ASIC2: variants seen among roughly 807,000 people sequenced by gnomAD.
The protein encoded by ASIC2 is acid-sensing ion channel 2.
A neutral mutation model predicts 57.3 loss-of-function variants in ASIC2; 25 were observed. That is an observed-to-expected ratio of 0.44 (90% CI 0.32 to 0.61). The LOEUF (loss-of-function observed/expected upper bound fraction) is 0.61, where lower values mean the gene tolerates loss of function less well. Ranked by LOEUF, ASIC2 falls within the 20% of genes least tolerant of loss-of-function variation. The pLI, the probability that ASIC2 is intolerant of heterozygous loss-of-function variation, is 0.06. For synonymous variants in ASIC2, 319 were observed against 307.5 expected, an observed-to-expected ratio of 1.04 and a Z score of -0.39; for missense variants, 641 against 738.1, an observed-to-expected ratio of 0.87 and a Z score of 1.52.
At chr17:33,346,846 G>A (rs1907967887) in intron 1 of ASIC2, among the ~76,000 whole-genome samples, 1 of 152,194 alleles carries the variant, frequency 6.6e-6, no homozygotes. Flanking sequence ...CAAGACCGAG[G>A]AGCCAGTGAA....
At chr17:33,293,483 G>A (rs1013787091), upstream of ASIC2, among the ~76,000 whole-genome samples, 2 of 152,206 alleles carry the variant, frequency 1.3e-5, no homozygotes, top group Non-Finnish European at 2.9e-5. Flanking sequence ...ATGGGGATGC[G>A]CTGTACAGAT....
intron 1 of ASIC2, among the ~76,000 whole-genome samples, chr17:34,148,331 A>G (rs1266200589): frequency 6.6e-6 from 1 of 152,176 alleles, no homozygotes; most frequent in African/African-American, 2.4e-5. Flanking sequence ...AGAATTTTAT[A>G]TACCCCTGAA....
intron 1 of ASIC2, among the ~76,000 whole-genome samples, chr17:33,872,398 A>T (rs949546005): frequency 6.6e-6 from 1 of 152,172 alleles, no homozygotes; most frequent in African/African-American, 2.4e-5. Context: ...GATTGGCTCA[A>T]TCATTCAGTC....
chr17:33,200,445 G>A (rs1399320706), intron 1 of ASIC2, among the ~76,000 whole-genome samples: 5 of 152,108 alleles, frequency 3.3e-5, no homozygotes, highest in Non-Finnish European at 5.9e-5. Context: ...AATCTCACTC[G>A]GATGTTCAAG....
intron 1 of ASIC2, among the ~76,000 whole-genome samples, chr17:33,542,414 C>T (rs1475189209): frequency 3.3e-5 from 4 of 121,370 alleles, no homozygotes; most frequent in African/African-American, 9.5e-5. Context: ...CCTGTTGTTT[C>T]CTGACTTTTT....
intron 1 of ASIC2, among the ~76,000 whole-genome samples, chr17:33,705,252 T>C (rs1908828890): frequency 1.3e-5 from 2 of 152,222 alleles, no homozygotes; most frequent in South Asian, 4.1e-4. Context: ...AATTTTCTAT[T>C]GATTACCACA....
At chr17:33,839,402 C>T (rs1400198064) in intron 1 of ASIC2, among the ~76,000 whole-genome samples, 1 of 152,246 alleles carries the variant, frequency 6.6e-6, no homozygotes, top group Non-Finnish European at 1.5e-5. Context: ...TTCTCCAAGA[C>T]ATCTAGACAA....
intron 1 of ASIC2, among the ~76,000 whole-genome samples, chr17:34,150,282 TCAGTTCAA>T (rs1219111829): frequency 6.6e-6 from 1 of 152,118 alleles, no homozygotes; most frequent in Non-Finnish European, 1.5e-5. Context: ...ACATAAAATT[TCAGTTCAA>T]CAGGAGAGAC....
In ASIC2 at chr17:33,729,180, G is replaced by T. The variant is rs554526238; in HGVS notation, c.555+426798C>A. Among the ~76,000 whole-genome samples the T allele has an allele frequency of 4.6e-5, 7 of 152,314 alleles. No homozygotes were observed. The South Asian group carries it at 1.5e-3, about 32-fold the overall frequency. On this transcript the variant is annotated intron_variant, in intron 1 of 9. Transcript: ENST00000359872. ...GGTGCCAGCGTCTGCTTCTAGGGAG[G>T]TCTCTCAGGAAGCTTGCAATCCTGG...
intron 1 of ASIC2, among the ~76,000 whole-genome samples, chr17:33,806,932 C>T (rs769712596): frequency 1.3e-5 from 2 of 152,210 alleles, no homozygotes; most frequent in Non-Finnish European, 2.9e-5. Flanking sequence ...CCATGATAAA[C>T]ATTGCATCCC....
Position 33,758,246 on chromosome 17 carries a change from C to T in ASIC2, c.555+397732G>A, listed in dbSNP as rs530354280. ...TGGGAAGTGTGATACCAATTCTTAA[C>T]ATTATTGTCATATGAGTATAGATAT... On this transcript the variant is annotated intron_variant, in intron 1 of 9. Coordinates refer to the ASIC2 transcript ENST00000359872. Among the ~76,000 whole-genome samples the T allele has an allele frequency of 6.6e-5, 10 of 152,228 alleles. No individual in the cohort carries two copies. In the South Asian group the frequency reaches 1.2e-3, roughly 19 times the overall value.
At chr17:34,138,089 G>A (rs939951346) in intron 1 of ASIC2, among the ~76,000 whole-genome samples, 9 of 152,158 alleles carry the variant, frequency 5.9e-5, no homozygotes, top group African/African-American at 9.7e-5. Context: ...TAACTCCTCC[G>A]AGCAGAAGCT....
intron 1 of ASIC2, among the ~76,000 whole-genome samples, chr17:33,401,495 G>T (rs1033837962): frequency 6.6e-6 from 1 of 152,108 alleles, no homozygotes; most frequent in Non-Finnish European, 1.5e-5. Flanking sequence ...GCCCCTGATG[G>T]TCATGCCTCC....
At chr17:33,229,245 G>C (rs1479882664) in intron 1 of ASIC2, among the ~76,000 whole-genome samples, 3 of 152,190 alleles carry the variant, frequency 2.0e-5, no homozygotes, top group Admixed American at 6.5e-5. Flanking sequence ...GAACAGAGCT[G>C]ATAAGCCCTA....
chr17:33,639,602 C>T (rs1019695341), intron 1 of ASIC2, among the ~76,000 whole-genome samples: 1 of 152,054 alleles, frequency 6.6e-6, no homozygotes, highest in African/African-American at 2.4e-5. Context: ...AGCTGTTAAT[C>T]CTGTGACACA....
intron 3 of ASIC2, among the ~76,000 whole-genome samples, chr17:33,042,698 A>T (rs887806233): frequency 6.6e-5 from 10 of 152,212 alleles, no homozygotes; most frequent in Admixed American, 1.3e-4. Flanking sequence ...AACCCAGCAG[A>T]TCATACTTTT....
intron 1 of ASIC2, among the ~76,000 whole-genome samples, chr17:33,584,858 A>T (rs1904564531): frequency 6.6e-6 from 1 of 152,140 alleles, no homozygotes; most frequent in Non-Finnish European, 1.5e-5. Flanking sequence ...AGAAAGACCC[A>T]TGAGAGAGAC....
chr17:33,513,821 C>T (rs1914492307), intron 1 of ASIC2, among the ~76,000 whole-genome samples: 1 of 152,250 alleles, frequency 6.6e-6, no homozygotes, highest in South Asian at 2.1e-4. Flanking sequence ...AGGCTCACTC[C>T]CATCTGTAGC....
rs200144290 is a variant in ASIC2 at position 33,412,016 on chromosome 17, C to CAAACA, written c.556-299954_556-299950dup. Among the ~76,000 whole-genome samples the CAAACA allele has an allele frequency of 5.4e-3, 817 of 151,796 alleles. 1 individual carries two copies. The highest frequency in any genetic ancestry group is 0.017 in the African/African-American group (722 of 41,388). On this transcript the variant is annotated intron_variant, in intron 1 of 9. Transcript: ENST00000359872. ...TTTGAGTGAAAGCTCAAGAAAAATG[C>CAAACA]AAACAAAACAAAACAAAACAAAACA...
Sources: gnomAD v4.1 joint callset for allele counts (sites outside exome capture counted in the v4.1 genomes callset) on GRCh38, gnomAD v4.1.1 for gene constraint, MANE v1.5 for transcripts, NCBI Gene and HGNC (gene_info 2026-07-23, HGNC 2026-07-21) for gene names.